ZNF217: variants seen among roughly 807,000 people sequenced by gnomAD.
The protein encoded by ZNF217 is zinc finger protein 217.
ZNF217 carries 12 observed loss-of-function variants against 73.3 expected under a neutral mutation model. The observed-to-expected ratio is 0.16, with a 90% CI of 0.10 to 0.27. ZNF217 has a LOEUF of 0.27. Among genes scored for constraint, ZNF217 ranks in the 10% least tolerant of loss-of-function variants. The pLI is 1.00. For synonymous variants in ZNF217, 588 were observed against 516.4 expected (o/e 1.14, Z -1.88); for missense variants, 1,195 against 1,327.8 (o/e 0.90, Z 1.55).
At chr20:53,591,150 CTTT>C in intron 1 of ZNF217, among the ~76,000 whole-genome samples, 1 of 152,004 alleles carries the variant, frequency 6.6e-6, no homozygotes, top group Non-Finnish European at 1.5e-5. Context: ...GTATTAGTTC[CTTT>C]TTTTGAGTAA....
chr20:53,567,846 T>TAAA lies in ZNF217; in HGVS notation c.*1441_*1442insTTT, dbSNP rs1987811609. ...GTTGCATAATTTAAAAAAAAAAAAT[T>TAAA]TTTTCTAGGATTACCCTTGCTCTAT... On this transcript the variant is annotated 3_prime_UTR_variant, in exon 6 of 6. Coordinates refer to ENST00000371471, the MANE Select transcript of ZNF217 (RefSeq NM_006526.3). 1 of 150,600 alleles carries TAAA rather than the reference T, an allele frequency of 6.6e-6. No homozygotes were observed. The highest frequency in any genetic ancestry group is 1.5e-5 in the Non-Finnish European group (1 of 67,354). 9.3% of individuals were successfully genotyped at this position (150,600 alleles called of 1,614,324 possible). A position where few individuals can be genotyped will look rare whatever the true frequency, so the allele number is the denominator to read the frequency against.
intron 4 of ZNF217, among the ~76,000 whole-genome samples, chr20:53,573,889 G>A (rs1182537104): frequency 6.6e-6 from 1 of 152,042 alleles, no homozygotes; most frequent in South Asian, 2.1e-4. Context: ...TGACCAACAT[G>A]GCGAAATGCC....
At chr20:53,579,359 C>T (rs924347664) in intron 2 of ZNF217, among the ~76,000 whole-genome samples, 7 of 151,998 alleles carry the variant, frequency 4.6e-5, no homozygotes, top group Non-Finnish European at 1.0e-4. Flanking sequence ...CCTTGATGAT[C>T]TATATAGTGT....
At position 53,576,607 on chromosome 20, in the gene ZNF217, T is replaced by C. The variant is rs556219624; in HGVS notation, c.2157A>G (p.Thr719=). Residue 719 remains threonine (T), a synonymous_variant, in exon 4 of 6, where the codon ACA becomes ACG. Transcript: ENST00000371471. ...GCATCATTAAAACTTCTGGATAAAA[T>C]GTCTTGAAGGTACAAAATGGACAGG... ...SITCPFCTFK[T]FYPEVLMMHQ... 10 of 1,614,084 alleles carry C rather than the reference T, an allele frequency of 6.2e-6. No homozygotes were observed. Among genetic ancestry groups the C allele is most frequent in the African/African-American group, 1.3e-5 (1 of 74,930 alleles).
At chr20:53,580,724 G>T (rs1288256427) in intron 2 of ZNF217, among the ~76,000 whole-genome samples, 1 of 152,116 alleles carries the variant, frequency 6.6e-6, no homozygotes, top group Non-Finnish European at 1.5e-5. Flanking sequence ...TGTATTTTAT[G>T]ACAAATCATT....
At position 53,570,979 on chromosome 20, in the gene ZNF217, G is replaced by A. The variant is rs536784884; in HGVS notation, c.*23+742C>T. Among the ~76,000 whole-genome samples the A allele has an allele frequency of 2.6e-5, 4 of 152,292 alleles. No homozygotes were observed. In the South Asian group the frequency reaches 6.2e-4, roughly 24 times the overall value. ...AAACTTTTTCTGTAAAGGGCCAGAC[G>A]GTAAATAGTTTCAGCTTTGCAGGCC... On this transcript the variant is annotated intron_variant, in intron 5 of 5. Transcript: ENST00000371471.
At chr20:53,589,421 A>T (rs1354022985) in intron 1 of ZNF217, among the ~76,000 whole-genome samples, 1 of 152,240 alleles carries the variant, frequency 6.6e-6, no homozygotes, top group African/African-American at 2.4e-5. Context: ...AGTAATGGAG[A>T]TGTTCAGAAC....
Position 53,582,700 on chromosome 20 carries a change from T to C in ZNF217, c.127A>G (p.Thr43Ala). The C allele has an allele frequency of 1.2e-6, 2 of 1,614,114 alleles. No individual in the cohort carries two copies. The highest frequency in any genetic ancestry group is 1.7e-6 in the Non-Finnish European group (2 of 1,180,002). ...GTAGCTCGGAATGGAACAACAGCGG[T>C]CCCTTTCATTGACAAGGCATCCTCC... ...EMEDALSMKG[T>A]AVVPFRATQE... The change falls in exon 2 of 6, where the codon ACC (threonine) becomes GCC (alanine). Residue 43 changes from threonine to alanine, a missense_variant. Physicochemically the swap from Thr to Ala is moderately conservative, Grantham distance 58. Transcript: ENST00000371471. The surrounding 1 kb of genome is among the most constrained non-coding windows in gnomAD (Gnocchi z 4.8).
intron 4 of ZNF217, among the ~76,000 whole-genome samples, chr20:53,573,545 G>A (rs370557819): frequency 1.3e-5 from 2 of 152,112 alleles, no homozygotes; most frequent in East Asian, 1.9e-4. Flanking sequence ...TGCAATCTGC[G>A]CATCCCCGGT....
chr20:53,583,455 T>C (rs1258170902), intron 1 of ZNF217, among the ~76,000 whole-genome samples: 1 of 152,220 alleles, frequency 6.6e-6, no homozygotes, highest in South Asian at 2.1e-4. Flanking sequence ...TCAGAAATTG[T>C]TAAATTCAGC....
At chr20:53,591,978 C>A (rs1276214841) in intron 1 of ZNF217, among the ~76,000 whole-genome samples, 2 of 152,220 alleles carry the variant, frequency 1.3e-5, no homozygotes, top group Non-Finnish European at 2.9e-5. Flanking sequence ...AAGACCCCTA[C>A]CTAGTGGCCA....
rs145426629 is a variant in ZNF217, at chr20:53,576,305, G to A, written c.2459C>T (p.Ser820Phe). The A allele has an allele frequency of 4.0e-5, 64 of 1,614,080 alleles. No individual in the cohort carries two copies. Among genetic ancestry groups the A allele is most frequent in the Middle Eastern group, 1.6e-4 (1 of 6,080 alleles). ...CCCCACATTCTGCTGTGGTCTGTGG[G>A]ACTTCAGGTTACTTGGGGCTAAAGT... ...SSTLAPSNLKSHRPQQNVGVQ... is the reference protein window; with the variant it reads ...SSTLAPSNLKFHRPQQNVGVQ... The change falls in exon 4 of 6, where the codon TCC becomes TTC. Residue 820 changes from serine to phenylalanine, a missense_variant. Ser to Phe is a radical substitution (Grantham distance 155). This residue lies in a region of ZNF217 where 649 missense variants were observed against 642.8 expected (regional missense o/e 1.01). Transcript: ENST00000371471.
At chr20:53,571,971 G>C (rs1347309360) in intron 4 of ZNF217, 118 bp from the exon 5 acceptor site, 3 of 994,606 alleles carry the variant, frequency 3.0e-6, no homozygotes, top group Non-Finnish European at 4.2e-6. Flanking sequence ...CAACGCCTAA[G>C]TCACACAGTC....
chr20:53,572,524 G>A (rs1252833678), intron 4 of ZNF217: 5 of 152,246 alleles, frequency 3.3e-5, no homozygotes, highest in Middle Eastern at 3.4e-3. Flanking sequence ...ACCATGGGGG[G>A]GGAAATGAAG....
intron 1 of ZNF217, among the ~76,000 whole-genome samples, chr20:53,584,256 G>GGCAT (rs1347634659): frequency 6.6e-6 from 1 of 152,096 alleles, no homozygotes; most frequent in Non-Finnish European, 1.5e-5. Flanking sequence ...AAAACCAAAA[G>GGCAT]GCATGCAAAC....
In ZNF217 at chr20:53,567,672, A is replaced by G. The variant is rs1347340217; in HGVS notation, c.*1616T>C. The G allele has an allele frequency of 6.6e-6, 1 of 152,640 alleles. No homozygotes were observed. The highest frequency in any genetic ancestry group is 1.5e-5 in the Non-Finnish European group (1 of 68,046). The allele number at this position is 152,640 out of a possible 1,614,324, so 9.5% of individuals were successfully genotyped here. On this transcript the variant is annotated 3_prime_UTR_variant, in exon 6 of 6. Coordinates refer to ENST00000371471, the MANE Select transcript of ZNF217 (RefSeq NM_006526.3). ...TGAAAACAAAATCTAGATTATGTAC[A>G]TATGGCTCAGCTTGTGAACAGGAAA...
At chr20:53,592,856 A>AG (rs1882537050) in intron 1 of ZNF217, among the ~76,000 whole-genome samples, 1 of 151,040 alleles carries the variant, frequency 6.6e-6, no homozygotes, top group Non-Finnish European at 1.5e-5. Context: ...AAAAAAGAAA[A>AG]GAAAAAAAAA....
chr20:53,573,414 G>C (rs1988104785), intron 4 of ZNF217, among the ~76,000 whole-genome samples: 2 of 151,938 alleles, frequency 1.3e-5, no homozygotes, highest in Non-Finnish European at 2.9e-5. Flanking sequence ...CAGTATTGTA[G>C]CGTAACCTAT....
chr20:53,597,262 G>GTAAA (rs1989058704), upstream of ZNF217, among the ~76,000 whole-genome samples: 2 of 152,148 alleles, frequency 1.3e-5, no homozygotes, highest in Admixed American at 6.5e-5. Flanking sequence ...GAAACTGTGT[G>GTAAA]TAAATCCCTG....
Sources: allele counts gnomAD v4.1 joint callset (sites outside exome capture counted in the v4.1 genomes callset), GRCh38; gene constraint gnomAD v4.1.1; regional missense constraint gnomAD v4.1.1; non-coding constraint Gnocchi (gnomAD v3.1); transcripts MANE v1.5; gene names NCBI Gene and HGNC (gene_info 2026-07-23, HGNC 2026-07-21).